The following MLIP variants were observed in gnomAD, a reference collection of about 807,000 sequenced individuals.
The protein encoded by MLIP is muscular LMNA-interacting protein.
A neutral mutation model predicts 84.8 loss-of-function variants in MLIP; 79 were observed. The observed-to-expected ratio is 0.93, with a 90% CI of 0.78 to 1.12. MLIP has a LOEUF of 1.12. MLIP is among the 50% of genes most tolerant of loss of function. The probability of loss-of-function intolerance (pLI) is 0.00; values close to 1 mark genes in which losing one functional copy is unlikely to be tolerated. For synonymous variants in MLIP, 504 were observed against 463.0 expected, an observed-to-expected ratio of 1.09 and a Z score of -1.14; for missense variants, 1,257 against 1,160.6, an observed-to-expected ratio of 1.08 and a Z score of -1.21.
rs1413892370 is a variant in MLIP, at chr6:54,121,715, TAA to T, written c.252+114_252+115del. 2.0e-5 allele frequency: 15 copies of T among 753,032 alleles called. No homozygotes were observed. The Admixed American group carries it at 4.5e-4, about 23-fold the overall frequency. The allele number at this position is 753,032 out of a possible 1,614,324, so 46.6% of individuals were successfully genotyped here. A position where few individuals can be genotyped will look rare whatever the true frequency, so the allele number is the denominator to read the frequency against. ...GCTTAAATTAAGGTGACTGTGACTC[TAA>T]GTTTGACTAAAAATATAATAATGCA... is the stretch of plus-strand genomic sequence containing the variant. On this transcript the variant is annotated intron_variant, in intron 2 of 13. Transcript: ENST00000502396.
rs12055520 is a variant in MLIP, at chr6:54,187,032, A to T, written c.2545-2838A>T. Among the ~76,000 whole-genome samples the T allele has an allele frequency of 1.3e-3, 194 of 152,314 alleles. 4 individuals are homozygous for T. The South Asian group carries it at 0.023, about 18-fold the overall frequency. On this transcript the variant is annotated intron_variant, in intron 9 of 13. Coordinates refer to ENST00000502396, the MANE Select transcript of MLIP (RefSeq NM_001281747.2). ...GCATGAAAAAGAAAAAAGATAATTT[A>T]AAAAATAATCCCTACCCTACATTCT... is the stretch of plus-strand genomic sequence containing the variant.
At chr6:54,151,991 A>G (rs569746419) in intron 5 of MLIP, among the ~76,000 whole-genome samples, 38 of 152,184 alleles carry the variant, frequency 2.5e-4, no homozygotes, top group African/African-American at 9.1e-4. Context: ...TCTGTTCTGT[A>G]ATTTATTGTC....
chr6:54,185,383 A>C (rs1777289007), intron 9 of MLIP, among the ~76,000 whole-genome samples: 1 of 152,222 alleles, frequency 6.6e-6, no homozygotes, highest in Non-Finnish European at 1.5e-5. Flanking sequence ...AGTGATACGG[A>C]GTTCATAATA....
chr6:54,183,588 C>T (rs1582426365), intron 9 of MLIP, among the ~76,000 whole-genome samples: 3 of 151,884 alleles, frequency 2.0e-5, no homozygotes, highest in African/African-American at 7.3e-5. Context: ...CTTGTTCCGT[C>T]TACCAACTAT....
intron 3 of MLIP, among the ~76,000 whole-genome samples, chr6:54,132,965 G>T (rs1338265735): frequency 1.3e-5 from 2 of 152,194 alleles, no homozygotes; most frequent in Non-Finnish European, 2.9e-5. Flanking sequence ...AATGGCAGTT[G>T]CTGGGATTGG....
intron 1 of MLIP, among the ~76,000 whole-genome samples, chr6:54,106,344 T>C (rs1396880882): frequency 6.6e-6 from 1 of 152,074 alleles, no homozygotes; most frequent in Non-Finnish European, 1.5e-5. Context: ...GTTACAGCAC[T>C]CCCAGCAGCT....
At chr6:54,243,322 A>C (rs1444239013) in intron 12 of MLIP, among the ~76,000 whole-genome samples, 1 of 152,174 alleles carries the variant, frequency 6.6e-6, no homozygotes, top group Non-Finnish European at 1.5e-5. Flanking sequence ...GGAACAGAGC[A>C]AACTTGAGAA....
chr6:54,043,664 G>A (rs1582018124), intron 1 of MLIP, among the ~76,000 whole-genome samples: 1 of 152,168 alleles, frequency 6.6e-6, no homozygotes, highest in East Asian at 1.9e-4. Context: ...AGATAGGATG[G>A]GGCTTCTCTT....
intron 5 of MLIP, 116 bp downstream of exon 5, chr6:54,149,243 C>A: frequency 1.1e-6 from 1 of 886,384 alleles, no homozygotes; most frequent in Non-Finnish European, 1.8e-6. Flanking sequence ...ACTAAAATAA[C>A]ATTCCATTCT....
upstream of MLIP, among the ~76,000 whole-genome samples, chr6:54,108,047 C>G (rs1368906294): frequency 1.3e-5 from 2 of 152,068 alleles, no homozygotes; most frequent in Non-Finnish European, 2.9e-5. Flanking sequence ...TCTTAAGAGT[C>G]TTTCAGCTGA....
At chr6:54,124,899 A>G (rs771012696) in intron 3 of MLIP, 34 bp downstream of exon 3, 8 of 1,523,260 alleles carry the variant, frequency 5.3e-6, no homozygotes, top group Middle Eastern at 1.9e-4. Flanking sequence ...CATAAGGAAA[A>G]AAAAAGCGTT....
intron 12 of MLIP, among the ~76,000 whole-genome samples, chr6:54,250,495 G>A (rs910601075): frequency 2.0e-5 from 3 of 152,064 alleles, no homozygotes; most frequent in Non-Finnish European, 4.4e-5. Flanking sequence ...TGAAGAAAAT[G>A]TGGTACAGAT....
intron 9 of MLIP, among the ~76,000 whole-genome samples, chr6:54,185,982 C>A (rs1388414920): frequency 2.0e-5 from 3 of 152,156 alleles, no homozygotes; most frequent in Non-Finnish European, 4.4e-5. Flanking sequence ...AGCCAAGACA[C>A]CCTACTGCCA....
At chr6:54,026,270 C>G (rs376193509) in intron 1 of MLIP, among the ~76,000 whole-genome samples, 2 of 152,270 alleles carry the variant, frequency 1.3e-5, no homozygotes, top group East Asian at 3.9e-4. Flanking sequence ...CTCCAAATAA[C>G]TGAGACAACC....
chr6:54,265,370 C>T (rs924900013), intron 13 of MLIP, among the ~76,000 whole-genome samples: 5 of 152,058 alleles, frequency 3.3e-5, no homozygotes, highest in African/African-American at 1.2e-4. Flanking sequence ...AACAGAGAGA[C>T]TGAATGGGTA....
chr6:54,199,491 C>T (rs547463687), intron 10 of MLIP, among the ~76,000 whole-genome samples: 87 of 152,094 alleles, frequency 5.7e-4, no homozygotes, highest in African/African-American at 2.0e-3. Context: ...GCAATGGGTC[C>T]TCAAGGATTT....
intron 1 of MLIP, among the ~76,000 whole-genome samples, chr6:54,080,915 T>C (rs1388791007): frequency 6.6e-6 from 1 of 151,918 alleles, no homozygotes. Flanking sequence ...TCTCTGTGGG[T>C]GAAAGATTTA....
At chr6:54,129,438 CT>C (rs1163985836) in intron 3 of MLIP, among the ~76,000 whole-genome samples, 5 of 152,112 alleles carry the variant, frequency 3.3e-5, no homozygotes, top group African/African-American at 1.2e-4. Flanking sequence ...AATGATCCTC[CT>C]TTTCACATGA....
At chr6:54,199,143 A>G (rs958671135) in intron 10 of MLIP, among the ~76,000 whole-genome samples, 6 of 152,152 alleles carry the variant, frequency 3.9e-5, no homozygotes, top group Admixed American at 1.3e-4. Flanking sequence ...TATAAAAACT[A>G]CAGGAGCTTT....
Sources: allele counts gnomAD v4.1 joint callset (sites outside exome capture counted in the v4.1 genomes callset), GRCh38; gene constraint gnomAD v4.1.1; transcripts MANE v1.5; gene names NCBI Gene and HGNC (gene_info 2026-07-23, HGNC 2026-07-21).